The following PGCKA1 variants were observed in gnomAD, a reference collection of about 807,000 sequenced individuals.
PGCKA1 encodes the protein PDCD10 and GCKIII kinases associated 1.
the PGCKA1 span, among the ~76,000 whole-genome samples, chr4:37,502,271 C>T: frequency 3.3e-5 from 5 of 152,306 alleles, no homozygotes; most frequent in South Asian, 8.3e-4. Flanking sequence ...TAGGTGCAAG[C>T]GGGTGCCGGG....
At chr4:37,580,841 G>A in the PGCKA1 span, among the ~76,000 whole-genome samples, 1 of 152,090 alleles carries the variant, frequency 6.6e-6, no homozygotes. Flanking sequence ...TTCCCTTCAG[G>A]GTGACAAGAT....
chr4:37,456,369 G>A, the PGCKA1 span, among the ~76,000 whole-genome samples: 127 of 152,276 alleles, frequency 8.3e-4, no homozygotes, highest in African/African-American at 3.0e-3. Flanking sequence ...ACAGAGGTTA[G>A]TTAAAATCTT....
chr4:37,590,831 G>GTCC, the PGCKA1 span: 1 of 1,614,238 alleles, frequency 6.2e-7, no homozygotes, highest in Non-Finnish European at 8.5e-7. Flanking sequence ...AATGAGAAGG[G>GTCC]TCCTGTTCAT....
the PGCKA1 span, chr4:37,590,640 T>G: frequency 6.2e-7 from 1 of 1,614,022 alleles, no homozygotes; most frequent in Non-Finnish European, 8.5e-7. Flanking sequence ...GGGGCCCAGC[T>G]GGAGACAACG....
the PGCKA1 span, among the ~76,000 whole-genome samples, chr4:37,515,695 G>C: frequency 3.3e-5 from 5 of 152,242 alleles, no homozygotes; most frequent in Admixed American, 3.3e-4. Context: ...ACACTGTCCT[G>C]TACAATTGTA....
chr4:37,580,527 ATAGAGG>A, the PGCKA1 span, among the ~76,000 whole-genome samples: 1 of 152,182 alleles, frequency 6.6e-6, no homozygotes, highest in Non-Finnish European at 1.5e-5. Context: ...TTGCAGACTC[ATAGAGG>A]TATCACCTTG....
the PGCKA1 span, among the ~76,000 whole-genome samples, chr4:37,536,090 G>T: frequency 1.3e-5 from 2 of 152,118 alleles, no homozygotes; most frequent in African/African-American, 4.8e-5. Context: ...TGCAAAACTG[G>T]GTGTGACACG....
At chr4:37,497,053 A>G in the PGCKA1 span, among the ~76,000 whole-genome samples, 4 of 152,280 alleles carry the variant, frequency 2.6e-5, no homozygotes, top group South Asian at 6.2e-4. Flanking sequence ...TATACTCTGC[A>G]CCACAAATAT....
At chr4:37,507,459 T>C in the PGCKA1 span, among the ~76,000 whole-genome samples, 2 of 152,154 alleles carry the variant, frequency 1.3e-5, no homozygotes, top group East Asian at 1.9e-4. Context: ...TTTTTGACTT[T>C]AGGTTACCAT....
the PGCKA1 span, among the ~76,000 whole-genome samples, chr4:37,586,848 T>C: frequency 6.6e-6 from 1 of 152,146 alleles, no homozygotes; most frequent in Non-Finnish European, 1.5e-5. Flanking sequence ...AGGCAGAGGT[T>C]GCAGCGAGCC....
At chr4:37,513,416 T>A in the PGCKA1 span, among the ~76,000 whole-genome samples, 34 of 152,366 alleles carry the variant, frequency 2.2e-4, no homozygotes, top group Admixed American at 1.5e-3. Flanking sequence ...GTTTAGTTTC[T>A]AGTGAGGATT....
the PGCKA1 span, among the ~76,000 whole-genome samples, chr4:37,546,890 CT>C: frequency 6.6e-6 from 1 of 152,270 alleles, no homozygotes; most frequent in South Asian, 2.1e-4. Context: ...CAGGAAGGAA[CT>C]GGCATTTAGA....
At chr4:37,590,888 G>T in the PGCKA1 span, 1 of 1,614,226 alleles carries the variant, frequency 6.2e-7, no homozygotes, top group Admixed American at 1.7e-5. Context: ...GATACCCATG[G>T]CTCCGATGGA....
chr4:37,582,347 G>T, the PGCKA1 span, among the ~76,000 whole-genome samples: 2 of 152,142 alleles, frequency 1.3e-5, no homozygotes, highest in African/African-American at 4.8e-5. Context: ...TGGCCATCTT[G>T]TTCTGCCCTT....
chr4:37,567,231 A>T, the PGCKA1 span, among the ~76,000 whole-genome samples: 1 of 152,216 alleles, frequency 6.6e-6, no homozygotes, highest in South Asian at 2.1e-4. Flanking sequence ...TATCTATAAA[A>T]TACTGGTTCC....
the PGCKA1 span, among the ~76,000 whole-genome samples, chr4:37,467,443 T>C: frequency 4.6e-5 from 7 of 152,208 alleles, no homozygotes; most frequent in African/African-American, 1.4e-4. Flanking sequence ...ACTGCCCTTC[T>C]TCTATCATAG....
chr4:37,479,065 T>G, the PGCKA1 span, among the ~76,000 whole-genome samples: 97,199 of 152,038 alleles, frequency 0.64, 32,269 homozygotes, highest in Non-Finnish European at 0.74. Context: ...AAGCAGAAAA[T>G]GTCATATCTA....
chr4:37,572,627 T>G, the PGCKA1 span, among the ~76,000 whole-genome samples: 3 of 152,194 alleles, frequency 2.0e-5, no homozygotes, highest in Non-Finnish European at 1.5e-5. Flanking sequence ...ACAGAAATGT[T>G]TTAGAGTTTG....
chr4:37,582,992 G>A, the PGCKA1 span, among the ~76,000 whole-genome samples: 36 of 152,146 alleles, frequency 2.4e-4, no homozygotes, highest in East Asian at 1.5e-3. Context: ...AGTATTTCTC[G>A]TATGTTTGTT....
Sources: allele counts gnomAD v4.1 joint callset (sites outside exome capture counted in the v4.1 genomes callset), GRCh38; gene constraint gnomAD v4.1.1; transcripts MANE v1.5; gene names NCBI Gene and HGNC (gene_info 2026-07-23, HGNC 2026-07-21).